The following SLC25A53 variants were observed in gnomAD, a reference collection of about 807,000 sequenced individuals.
The protein encoded by SLC25A53 is mitochondrial carrier triple repeat protein 6.
SLC25A53 carries 5 observed loss-of-function variants against 15.0 expected under a neutral mutation model. The observed-to-expected ratio is 0.33, with a 90% CI of 0.17 to 0.70. The LOEUF is 0.70. Ranked by LOEUF, SLC25A53 falls within the 30% of genes least tolerant of loss-of-function variation. The pLI, the probability that SLC25A53 is intolerant of heterozygous loss-of-function variation, is 0.67. For synonymous variants in SLC25A53, 95 were observed against 100.0 expected (o/e 0.95, Z 0.30); for missense variants, 216 against 241.6 (o/e 0.89, Z 0.70).
intron 1 of SLC25A53, among the ~76,000 whole-genome samples, chrX:104,133,440 A>C (rs2075430038): frequency 2.7e-5 from 3 of 111,328 alleles, no homozygotes; most frequent in Admixed American, 1.9e-4. Flanking sequence ...ACAGTCTAGA[A>C]GGTAGAAGAG....
intron 1 of SLC25A53, among the ~76,000 whole-genome samples, chrX:104,146,703 T>C (rs782036368): frequency 0.11 from 11,686 of 109,795 alleles, 619 homozygotes; most frequent in Non-Finnish European, 0.17. Context: ...CCATTCACAA[T>C]TGCTTCAAAG....
At chrX:104,112,854 G>A (rs1182032171) in intron 1 of SLC25A53, 2 of 112,572 alleles carry the variant, frequency 1.8e-5, no homozygotes, top group Non-Finnish European at 3.8e-5. Flanking sequence ...GGGAAGCCCC[G>A]CCAGGACTGG....
intron 1 of SLC25A53, among the ~76,000 whole-genome samples, chrX:104,110,926 A>G (rs1221463308): frequency 6.2e-5 from 7 of 112,938 alleles, no homozygotes; most frequent in Non-Finnish European, 1.3e-4. Flanking sequence ...GGCTTGAAGA[A>G]GGAAGACGTT....
At chrX:104,110,812 T>C (rs1668329800) in intron 1 of SLC25A53, among the ~76,000 whole-genome samples, 1 of 112,304 alleles carries the variant, frequency 8.9e-6, no homozygotes, top group Non-Finnish European at 1.9e-5. Flanking sequence ...CCTAGCAACC[T>C]GTCCTTGAGC....
At chrX:104,154,678 G>A (rs1556371063) in intron 1 of SLC25A53, among the ~76,000 whole-genome samples, 1 of 111,974 alleles carries the variant, frequency 8.9e-6, no homozygotes, top group Non-Finnish European at 1.9e-5. Flanking sequence ...TCTGTCCATT[G>A]ATGAGCCTGG....
chrX:104,126,724 C>T (rs781939974), intron 1 of SLC25A53, among the ~76,000 whole-genome samples: 41 of 111,846 alleles, frequency 3.7e-4, no homozygotes, highest in Non-Finnish European at 6.0e-4. Context: ...AAAAAGAATA[C>T]GCAGATGGCA....
chrX:104,125,712 A>C (rs1213952095), intron 1 of SLC25A53, among the ~76,000 whole-genome samples: 1 of 111,612 alleles, frequency 9.0e-6, no homozygotes, highest in Non-Finnish European at 1.9e-5. Context: ...ATCTCCTTAA[A>C]TCTTTACAAT....
At position 104,136,933 on chromosome X, in the gene SLC25A53, C is replaced by A. The variant is rs1556366597; in HGVS notation, c.-32+19945G>T. Among the ~76,000 whole-genome samples, 5 of 111,760 alleles carry A rather than the reference C, an allele frequency of 4.5e-5. No individual in the cohort carries two copies. The Admixed American group carries it at 4.8e-4, about 11-fold the overall frequency. On this transcript the variant is annotated intron_variant, in intron 1 of 1. Transcript: ENST00000594199. ...GACCATGTAAAGAATTAAACATGTACACAGAGAATTAAAATAGCCATATTT... is the reference window on the plus strand; with the variant it reads ...GACCATGTAAAGAATTAAACATGTAAACAGAGAATTAAAATAGCCATATTT...
chrX:104,102,766 A>C lies in SLC25A53; in HGVS notation c.*1568T>G, dbSNP rs2075286677. The C allele has an allele frequency of 1.8e-5, 2 of 112,127 alleles. No homozygotes were observed. Among genetic ancestry groups the C allele is most frequent in the African/African-American group, 6.5e-5 (2 of 30,795 alleles). 9.2% of individuals were successfully genotyped at this position (112,127 alleles called of 1,213,427 possible). A position where few individuals can be genotyped will look rare whatever the true frequency, so the allele number is the denominator to read the frequency against. ...TACAGTCTAGTAGGAGGTATTGAAG[A>C]ATACAAGAACAAAGGGTCACATGAG... On this transcript the variant is annotated 3_prime_UTR_variant, in exon 2 of 2. Transcript: ENST00000594199.
intron 1 of SLC25A53, among the ~76,000 whole-genome samples, chrX:104,147,401 A>G (rs782638609): frequency 1.8e-5 from 2 of 111,715 alleles, no homozygotes; most frequent in South Asian, 7.5e-4. Context: ...CAAGAACTTC[A>G]TGTCTAAAAC....
At chrX:104,140,695 G>C (rs2075448701) in intron 1 of SLC25A53, among the ~76,000 whole-genome samples, 1 of 111,481 alleles carries the variant, frequency 9.0e-6, no homozygotes, top group Non-Finnish European at 1.9e-5. Context: ...AAAAAAATGA[G>C]CTCAAACGTA....
At chrX:104,139,244 G>A (rs1437233915) in intron 1 of SLC25A53, among the ~76,000 whole-genome samples, 5 of 112,031 alleles carry the variant, frequency 4.5e-5, no homozygotes, top group Admixed American at 9.4e-5. Flanking sequence ...TTGGCTAGGC[G>A]CAGTGGCTCA....
chrX:104,134,943 G>A (rs1252911109), intron 1 of SLC25A53, among the ~76,000 whole-genome samples: 5 of 110,733 alleles, frequency 4.5e-5, no homozygotes, highest in Admixed American at 9.6e-5. Flanking sequence ...ATAAGAGCCC[G>A]AATGGACTTT....
At chrX:104,156,050 C>A in intron 1 of SLC25A53, among the ~76,000 whole-genome samples, 1 of 85,159 alleles carries the variant, frequency 1.2e-5, no homozygotes. Flanking sequence ...AGAGAGACTC[C>A]TTATCAAAAA....
chrX:104,144,672 A>C (rs2075460930), intron 1 of SLC25A53, among the ~76,000 whole-genome samples: 1 of 110,982 alleles, frequency 9.0e-6, no homozygotes, highest in African/African-American at 3.3e-5. Flanking sequence ...AACTATTTTC[A>C]GCCAATTATC....
rs1469162828 is a variant in SLC25A53 at position 104,103,617 on chromosome X, G to A, written c.*717C>T. On this transcript the variant is annotated 3_prime_UTR_variant, in exon 2 of 2. Coordinates refer to ENST00000594199, the MANE Select transcript of SLC25A53 (RefSeq NM_001012755.5). ...TCACCTTGCTCTCAGAAATGTCCTA[G>A]CAGATAACACCAAGCAGACTATAGC... 3 of 112,106 alleles carry A rather than the reference G, an allele frequency of 2.7e-5. No individual in the cohort carries two copies. The highest frequency in any genetic ancestry group is 3.7e-4 in the South Asian group (1 of 2,670). 9.2% of individuals were successfully genotyped at this position (112,106 alleles called of 1,213,427 possible). A position where few individuals can be genotyped will look rare whatever the true frequency, so the allele number is the denominator to read the frequency against.
At chrX:104,116,262 C>A (rs782024759) in intron 1 of SLC25A53, among the ~76,000 whole-genome samples, 17 of 111,267 alleles carry the variant, frequency 1.5e-4, no homozygotes, top group African/African-American at 5.6e-4. Context: ...CCCTGAGGGT[C>A]CCAAGTTTCT....
chrX:104,115,374 A>G, intron 1 of SLC25A53: 1 of 1,056,850 alleles, frequency 9.5e-7, no homozygotes, highest in Non-Finnish European at 1.3e-6. Flanking sequence ...GAGTCTGGTA[A>G]TGGGAATAAC....
In SLC25A53 at chrX:104,105,084, A is replaced by T. The variant is rs782376725; in HGVS notation, c.174T>A (p.His58Gln). The T allele has an allele frequency of 1.2e-5, 14 of 1,210,930 alleles. No individual in the cohort carries two copies. The highest frequency in any genetic ancestry group is 1.6e-5 in the Non-Finnish European group (14 of 895,491). Reference protein sequence around the residue: ...IYKVVFRQQIHAMAVSEAVRQ... With the variant: ...IYKVVFRQQIQAMAVSEAVRQ... ...TCACAGCCTCTGACACTGCCATGGC[A>T]TGGATCTGTTGCCGGAACACAACCT... The change falls in exon 2 of 2, where the codon CAT (histidine) becomes CAA (glutamine). Residue 58 changes from histidine to glutamine, a missense_variant. His to Gln is a conservative substitution (Grantham distance 24). Coordinates refer to ENST00000594199, the MANE Select transcript of SLC25A53 (RefSeq NM_001012755.5).
Sources: allele counts gnomAD v4.1 joint callset (sites outside exome capture counted in the v4.1 genomes callset), GRCh38; gene constraint gnomAD v4.1.1; transcripts MANE v1.5; gene names NCBI Gene and HGNC (gene_info 2026-07-23, HGNC 2026-07-21).